The following CLTCL1 variants were observed in gnomAD, a reference collection of about 807,000 sequenced individuals.
CLTCL1 encodes the protein clathrin heavy chain 2.
In CLTCL1, 159 loss-of-function variants were observed where a neutral mutation model predicts 190.0. The observed-to-expected ratio is 0.84, with a 90% CI of 0.74 to 0.95. CLTCL1 has a LOEUF of 0.95. CLTCL1 is among the 40% of genes least tolerant of loss of function. CLTCL1 has a pLI of 0.00. For missense variants in CLTCL1, 1,878 were observed against 2,033.4 expected (o/e 0.92, Z 1.47); for synonymous variants, 752 against 769.6 (o/e 0.98, Z 0.38).
At chr22:19,247,915 T>C (rs1305177578) in intron 3 of CLTCL1, among the ~76,000 whole-genome samples, 3 of 152,054 alleles carry the variant, frequency 2.0e-5, no homozygotes, top group African/African-American at 7.2e-5. Context: ...CCATAGAACT[T>C]ATCTATTTAA....
At chr22:19,231,404 G>A (rs1555959068) in intron 10 of CLTCL1, among the ~76,000 whole-genome samples, 1 of 152,076 alleles carries the variant, frequency 6.6e-6, no homozygotes, top group African/African-American at 2.4e-5. Context: ...TTAAAAAATT[G>A]TTTGTAGAGA....
At chr22:19,283,627 G>A (rs1332315550) in intron 1 of CLTCL1, among the ~76,000 whole-genome samples, 1 of 152,046 alleles carries the variant, frequency 6.6e-6, no homozygotes, top group Non-Finnish European at 1.5e-5. Flanking sequence ...ACTAAAGAAA[G>A]GTAAAGAAGA....
In CLTCL1 at chr22:19,289,583, C is replaced by T. The variant is rs189594356; in HGVS notation, c.42+2017G>A. Among the ~76,000 whole-genome samples the T allele has an allele frequency of 4.3e-3, 658 of 152,064 alleles. 12 individuals carry two copies. In the South Asian group the frequency reaches 0.048, roughly 11 times the overall value. ...GACAAGAGCTTCGTGGGGACAAGAG[C>T]GGGGGAAGAAGTTTGCTGGTTGTAC... On this transcript the variant is annotated intron_variant, in intron 1 of 32. Transcript: ENST00000427926.
chr22:19,226,190 T>C lies in CLTCL1; in HGVS notation c.1947+29A>G, dbSNP rs782102738. ...ACATTAATTGCATAGACAACAGCCA[T>C]AATAGGAGTGCCCAGGGGTACACAG... On this transcript the variant is annotated intron_variant, in intron 12 of 32. Transcript: ENST00000427926. 10 of 1,607,526 alleles carry C rather than the reference T, an allele frequency of 6.2e-6. No individual in the cohort carries two copies. The South Asian group carries it at 1.1e-4, about 18-fold the overall frequency.
At chr22:19,277,138 G>C (rs1453441005) in intron 1 of CLTCL1, among the ~76,000 whole-genome samples, 1 of 152,122 alleles carries the variant, frequency 6.6e-6, no homozygotes, top group Non-Finnish European at 1.5e-5. Context: ...GAACACAAGT[G>C]AGACTGTTCA....
At position 19,208,312 on chromosome 22, in the gene CLTCL1, C is replaced by T. The variant is rs782199566; in HGVS notation, c.3443-1G>A. On this transcript the variant is annotated splice_acceptor_variant, in intron 21 of 32. Transcript: ENST00000427926. LOFTEE classifies it high-confidence loss of function. ...AATTTAACTAGATCCTCCCAGTTGT[C>T]TAAAGACAGAAAACAAAGATAGGTT... is the stretch of plus-strand genomic sequence containing the variant. 4 of 1,612,794 alleles carry T rather than the reference C, an allele frequency of 2.5e-6. No homozygotes were observed.
rs782821169 is a variant in CLTCL1, at chr22:19,180,818, CA to C, written c.4828-13del. On this transcript the variant is annotated splice_polypyrimidine_tract_variant and intron_variant, in intron 30 of 32. Coordinates refer to ENST00000427926, the MANE Select transcript of CLTCL1 (RefSeq NM_007098.4). ...TCCAGTTTGTCCACCTGCAAGGAGG[CA>C]AAAGCACGTGAGCACCCGCTTGACA... 6.2e-7 allele frequency: 1 copy of C among 1,613,502 alleles called. No homozygotes were observed. The highest frequency in any genetic ancestry group is 8.5e-7 in the Non-Finnish European group (1 of 1,179,596).
chr22:19,281,794 T>A (rs1372697362), intron 1 of CLTCL1, among the ~76,000 whole-genome samples: 1 of 152,192 alleles, frequency 6.6e-6, no homozygotes, highest in Non-Finnish European at 1.5e-5. Flanking sequence ...TAATCCTGAA[T>A]AATTTGTATC....
intron 30 of CLTCL1, 31 bp from the exon 31 acceptor site, chr22:19,180,837 G>A (rs112678527): frequency 1.7e-5 from 28 of 1,600,182 alleles, no homozygotes; most frequent in Middle Eastern, 1.7e-4. Flanking sequence ...GTGAGCACCC[G>A]CTTGACAGAG....
At chr22:19,269,414 C>T (rs1029460255) in intron 2 of CLTCL1, among the ~76,000 whole-genome samples, 3 of 152,052 alleles carry the variant, frequency 2.0e-5, no homozygotes, top group African/African-American at 7.2e-5. Context: ...AAAAAAAAAG[C>T]TAAACAAATT....
intron 30 of CLTCL1, chr22:19,182,014 T>TC (rs2084157356): frequency 6.6e-6 from 1 of 152,120 alleles, no homozygotes; most frequent in Non-Finnish European, 1.5e-5. Flanking sequence ...TCCTGGGGGA[T>TC]CCCCACAAGC....
At chr22:19,289,293 T>G (rs1325950980) in intron 1 of CLTCL1, among the ~76,000 whole-genome samples, 1 of 152,184 alleles carries the variant, frequency 6.6e-6, no homozygotes, top group East Asian at 1.9e-4. Flanking sequence ...TGATTTTATT[T>G]TTTACAGCAA....
At position 19,242,591 on chromosome 22, in the gene CLTCL1, C is replaced by A. The variant is rs144587566; in HGVS notation, c.681+184G>T. On this transcript the variant is annotated intron_variant, in intron 4 of 32. Coordinates refer to ENST00000427926, the MANE Select transcript of CLTCL1 (RefSeq NM_007098.4). ...TACAGGCGTGAGCCACCGCGCCCAG[C>A]CTGAGGATTTTTTAGGGGAATGGGG... is the stretch of plus-strand genomic sequence containing the variant. Among the ~76,000 whole-genome samples, 549 of 152,302 alleles carry A rather than the reference C, an allele frequency of 3.6e-3. 1 individual carries two copies. Among genetic ancestry groups the A allele is most frequent in the Non-Finnish European group, 6.1e-3 (415 of 68,016 alleles).
At chr22:19,234,146 A>G (rs2086003122) in intron 7 of CLTCL1, among the ~76,000 whole-genome samples, 1 of 152,228 alleles carries the variant, frequency 6.6e-6, no homozygotes, top group Non-Finnish European at 1.5e-5. Flanking sequence ...CCAGGGTAGG[A>G]CTATCGCTAG....
chr22:19,219,912 G>A lies in CLTCL1; in HGVS notation c.2892C>T (p.Asn964=), dbSNP rs782184848. Residue 964 remains asparagine (N), a synonymous_variant, in exon 18 of 33, where the codon AAC becomes AAT. Transcript: ENST00000427926. ...ELWAHVLEET[N]PSRRQLIDQV... is the part of the protein sequence containing the mutation. ...GGTCAATTAGCTGTCTCCTGGATGG[G>A]TTGGTCTCCTCAAGGACGTGAGCCC... 1.2e-6 allele frequency: 2 copies of A among 1,614,042 alleles called. No individual in the cohort carries two copies. The highest frequency in any genetic ancestry group is 1.7e-5 in the Admixed American group (1 of 60,026).
Position 19,179,857 on chromosome 22 carries a change from T to C in CLTCL1, c.*133A>G. The C allele has an allele frequency of 3.0e-6, 1 of 338,358 alleles. No individual in the cohort carries two copies. The highest frequency in any genetic ancestry group is 5.5e-6 in the Non-Finnish European group (1 of 181,626). 21.0% of individuals were successfully genotyped at this position (338,358 alleles called of 1,614,324 possible). A position where few individuals can be genotyped will look rare whatever the true frequency, so the allele number is the denominator to read the frequency against. ...GAAGTTAGTAACTCTGCAGGTAGGG[T>C]GGGTGGTGACAACGCCCACTACACG... On this transcript the variant is annotated 3_prime_UTR_variant, in exon 33 of 33. Coordinates refer to ENST00000427926, the MANE Select transcript of CLTCL1 (RefSeq NM_007098.4).
At chr22:19,201,910 TCA>T (rs2084899476) in intron 22 of CLTCL1, among the ~76,000 whole-genome samples, 2 of 152,130 alleles carry the variant, frequency 1.3e-5, no homozygotes. Flanking sequence ...CAAATCTTTC[TCA>T]TTCTCTGGCA....
At chr22:19,261,540 C>T (rs1001087186) in intron 2 of CLTCL1, among the ~76,000 whole-genome samples, 3 of 152,056 alleles carry the variant, frequency 2.0e-5, no homozygotes, top group South Asian at 2.1e-4. Context: ...TCGTGATTCA[C>T]GAGAGGAGAT....
chr22:19,227,296 T>TC (rs2085777364), intron 11 of CLTCL1, among the ~76,000 whole-genome samples: 1 of 148,890 alleles, frequency 6.7e-6, no homozygotes, highest in Non-Finnish European at 1.5e-5. Flanking sequence ...TTTTTTTTTT[T>TC]TGAGACAGGG....
Sources: gnomAD v4.1 joint callset for allele counts (sites outside exome capture counted in the v4.1 genomes callset) on GRCh38, gnomAD v4.1.1 for gene constraint, MANE v1.5 for transcripts, NCBI Gene and HGNC (gene_info 2026-07-23, HGNC 2026-07-21) for gene names.